Variants in FHAD1 observed in about 807,000 individuals in gnomAD.
The protein encoded by FHAD1 is forkhead associated phosphopeptide binding domain 1.
FHAD1 carries 146 observed loss-of-function variants against 191.3 expected under a neutral mutation model. That is an observed-to-expected ratio of 0.76 (90% CI 0.67 to 0.88). The LOEUF is 0.88. Among genes scored for constraint, FHAD1 ranks in the 40% least tolerant of loss-of-function variants. The pLI is 0.00. For synonymous variants in FHAD1, 616 were observed against 672.3 expected, an observed-to-expected ratio of 0.92 and a Z score of 1.29; for missense variants, 1,635 against 1,785.8, an observed-to-expected ratio of 0.92 and a Z score of 1.52.
chr1:15,251,941 T>A (rs1039162364), intron 2 of FHAD1, 64 bp downstream of exon 2: 1 of 1,351,016 alleles, frequency 7.4e-7, no homozygotes, highest in Admixed American at 2.2e-5. Flanking sequence ...TCTCTAACAG[T>A]CCTTAGCGTT....
chr1:15,255,238 T>C (rs1043182980), intron 2 of FHAD1, among the ~76,000 whole-genome samples: 1 of 152,220 alleles, frequency 6.6e-6, no homozygotes, highest in Admixed American at 6.5e-5. Context: ...TTTATTAATA[T>C]ATTCATTTGC....
At chr1:15,300,884 C>T (rs1668496434) in intron 5 of FHAD1, among the ~76,000 whole-genome samples, 1 of 152,198 alleles carries the variant, frequency 6.6e-6, no homozygotes, top group Admixed American at 6.5e-5. Context: ...GGCTAGAGTG[C>T]AATGGCATGG....
At chr1:15,322,907 C>T (rs1434247364) in intron 10 of FHAD1, among the ~76,000 whole-genome samples, 1 of 152,220 alleles carries the variant, frequency 6.6e-6, no homozygotes, top group Non-Finnish European at 1.5e-5. Flanking sequence ...ATTGGACTTA[C>T]AGTTCCACAT....
chr1:15,324,284 C>T (rs1014715354), intron 10 of FHAD1, among the ~76,000 whole-genome samples, 168 bp from the exon 11 acceptor site: 2 of 152,008 alleles, frequency 1.3e-5, no homozygotes, highest in African/African-American at 4.8e-5. Flanking sequence ...GGACAGTGCC[C>T]CCCTAGCCTG....
chr1:15,357,229 G>T (rs906513335), intron 20 of FHAD1, among the ~76,000 whole-genome samples: 1 of 152,074 alleles, frequency 6.6e-6, no homozygotes, highest in Non-Finnish European at 1.5e-5. Flanking sequence ...TTTTAAATTG[G>T]ATTAAATAAT....
chr1:15,355,789 T>G (rs1170570858), intron 20 of FHAD1, among the ~76,000 whole-genome samples: 1 of 151,892 alleles, frequency 6.6e-6, no homozygotes, highest in African/African-American at 2.4e-5. Context: ...TCAGACGGAG[T>G]TAAGCGGAGG....
intron 2 of FHAD1, among the ~76,000 whole-genome samples, chr1:15,268,901 T>TTTA (rs1374555704): frequency 3.3e-5 from 5 of 151,766 alleles, no homozygotes; most frequent in African/African-American, 1.2e-4. Flanking sequence ...TATTAGCCCT[T>TTTA]TGTCAGATGA....
chr1:15,298,978 G>A (rs1265521273), intron 5 of FHAD1, among the ~76,000 whole-genome samples: 1 of 151,250 alleles, frequency 6.6e-6, no homozygotes, highest in Non-Finnish European at 1.5e-5. Flanking sequence ...AGCCCAGCCT[G>A]GGCAACATAG....
chr1:15,309,529 CAG>C (rs548947495), intron 7 of FHAD1, among the ~76,000 whole-genome samples: 25 of 152,324 alleles, frequency 1.6e-4, no homozygotes, highest in South Asian at 4.1e-4. Flanking sequence ...GGGAAGCACT[CAG>C]GGGGTGAAGT....
chr1:15,272,115 G>C (rs764288092), intron 2 of FHAD1, among the ~76,000 whole-genome samples: 16 of 152,148 alleles, frequency 1.1e-4, no homozygotes, highest in African/African-American at 3.4e-4. Flanking sequence ...GTGTCAGACA[G>C]AGCACATATC....
At chr1:15,244,200 C>T (rs531913011), upstream of FHAD1, among the ~76,000 whole-genome samples, 33 of 152,188 alleles carry the variant, frequency 2.2e-4, no homozygotes, top group African/African-American at 5.3e-4. This position sits in a 1 kb window ranked among gnomAD's most constrained non-coding sequence, Gnocchi z 5.1. Context: ...ATGGATGATA[C>T]GGAATTGGGT....
intron 31 of FHAD1, chr1:15,383,183 G>A (rs1371538512): frequency 6.4e-6 from 3 of 471,476 alleles, no homozygotes; most frequent in East Asian, 6.9e-5. Context: ...CCCCTGCCTC[G>A]CAGACAGATG....
At chr1:15,370,001 G>T (rs775526166) in intron 26 of FHAD1, among the ~76,000 whole-genome samples, 1 of 152,094 alleles carries the variant, frequency 6.6e-6, no homozygotes. Flanking sequence ...TTGAGGAAAG[G>T]TCTCACTCTG....
intron 33 of FHAD1, among the ~76,000 whole-genome samples, chr1:15,396,436 ATTTTATCTCTTTT>A (rs1283284044): frequency 6.6e-6 from 1 of 152,138 alleles, no homozygotes; most frequent in South Asian, 2.1e-4. Flanking sequence ...ATGATGAATC[ATTTTATCTCTTTT>A]GTGCTCATAT....
In FHAD1 at chr1:15,360,716, G is replaced by T; in HGVS notation, c.2962+13G>T. ...GACAATGACCCAGGTAAGTCCGAAG[G>T]GAGGCCAAGGAAATCTTAGTGTTCG... On this transcript the variant is annotated intron_variant, in intron 22 of 33. Transcript: ENST00000688493. The T allele has an allele frequency of 3.2e-6, 5 of 1,547,656 alleles. No individual in the cohort carries two copies. Among genetic ancestry groups the T allele is most frequent in the Non-Finnish European group, 4.4e-6 (5 of 1,143,646 alleles).
At chr1:15,347,523 C>T (rs2102394747) in intron 18 of FHAD1, among the ~76,000 whole-genome samples, 1 of 152,314 alleles carries the variant, frequency 6.6e-6, no homozygotes, top group East Asian at 1.9e-4. Context: ...GATCTTGGTT[C>T]ACTGCAACCT....
rs368473934 is a variant in FHAD1, at chr1:15,289,479, C to T, written c.381C>T (p.Ala127=). Residue 127 remains alanine, a synonymous_variant, in exon 4 of 34, where the codon GCC becomes GCT. Coordinates refer to ENST00000688493, the MANE Select transcript of FHAD1 (RefSeq NM_001391957.1). The surrounding 1 kb of genome is among the most constrained non-coding windows in gnomAD (Gnocchi z 4.2). The part of the protein sequence containing the change: ...PPRATQQPNQ[A]PPPSHIPFHQ... ...GTGCCACACAGCAGCCAAACCAGGC[C>T]CCCCCACCATCACATATCCCCTTCC... 9 of 1,551,844 alleles carry T rather than the reference C, an allele frequency of 5.8e-6. No homozygotes were observed. Among genetic ancestry groups the T allele is most frequent in the Non-Finnish European group, 7.8e-6 (9 of 1,147,028 alleles).
At chr1:15,401,720 G>A (rs552445835), downstream of FHAD1, among the ~76,000 whole-genome samples, 2 of 152,292 alleles carry the variant, frequency 1.3e-5, no homozygotes, top group South Asian at 4.1e-4. Context: ...AATCCACTAA[G>A]GATGTGAGGA....
At chr1:15,384,364 C>G (rs1023518677) in intron 31 of FHAD1, 3 of 152,478 alleles carry the variant, frequency 2.0e-5, no homozygotes, top group Non-Finnish European at 2.9e-5. Flanking sequence ...CCAGGGAGAT[C>G]TGGGCAGCAG....
Sources: gnomAD v4.1 joint callset for allele counts (sites outside exome capture counted in the v4.1 genomes callset) on GRCh38, gnomAD v4.1.1 for gene constraint, Gnocchi (gnomAD v3.1) non-coding constraint, MANE v1.5 for transcripts, NCBI Gene and HGNC (gene_info 2026-07-23, HGNC 2026-07-21) for gene names.